Variants in DSCAM observed in about 807,000 individuals in gnomAD.
The protein encoded by DSCAM is DS cell adhesion molecule.
A neutral mutation model predicts 217.7 loss-of-function variants in DSCAM; 47 were observed. The ratio of observed to expected loss-of-function variants is 0.22; its 90% CI spans 0.17 to 0.28. The LOEUF (loss-of-function observed/expected upper bound fraction) is 0.28, where lower values mean the gene tolerates loss of function less well. Ranked by LOEUF, DSCAM falls within the 10% of genes least tolerant of loss-of-function variation. The probability of loss-of-function intolerance (pLI) is 1.00; values close to 1 mark genes in which losing one functional copy is unlikely to be tolerated. For missense variants in DSCAM, 2,080 were observed against 2,618.3 expected (o/e 0.79, Z 4.49); for synonymous variants, 1,056 against 1,015.3 (o/e 1.04, Z -0.76).
In DSCAM at chr21:40,271,497, T is replaced by C. The variant is rs1034194629; in HGVS notation, c.2356+4600A>G. On this transcript the variant is annotated intron_variant, in intron 11 of 32. Transcript: ENST00000400454. ...AAGTTGGGAGCGGGGAGGATGTAAT[T>C]TGGGCATCTGAGACAAACCTTAGGG... Among the ~76,000 whole-genome samples the C allele has an allele frequency of 5.9e-5, 9 of 152,254 alleles. No individual in the cohort carries two copies. The South Asian group carries it at 1.0e-3, about 18-fold the overall frequency.
At chr21:40,412,761 T>A (rs1362222397) in intron 3 of DSCAM, among the ~76,000 whole-genome samples, 1 of 152,156 alleles carries the variant, frequency 6.6e-6, no homozygotes, top group Non-Finnish European at 1.5e-5. Flanking sequence ...GCTGCAGAAA[T>A]TTGAATAAGT....
intron 8 of DSCAM, among the ~76,000 whole-genome samples, chr21:40,332,834 C>T (rs1011370440): frequency 1.3e-5 from 2 of 152,032 alleles, no homozygotes; most frequent in Non-Finnish European, 2.9e-5. Context: ...GGCATATGCT[C>T]CAAAATAAGC....
chr21:40,412,374 C>G (rs2075331182), intron 3 of DSCAM, among the ~76,000 whole-genome samples: 1 of 152,162 alleles, frequency 6.6e-6, no homozygotes, highest in African/African-American at 2.4e-5. Context: ...AAGTTTGGAA[C>G]TCCCTAGAGC....
chr21:40,018,477 A>G (rs1376570127), intron 32 of DSCAM, among the ~76,000 whole-genome samples: 3 of 152,150 alleles, frequency 2.0e-5, no homozygotes, highest in African/African-American at 7.2e-5. Context: ...GCTCTTTCTG[A>G]GACCCGACTC....
rs57708909 is a variant in DSCAM, at chr21:40,409,386, C to T, written c.509-40141G>A. On this transcript the variant is annotated intron_variant, in intron 3 of 32. Coordinates refer to ENST00000400454, the MANE Select transcript of DSCAM (RefSeq NM_001389.5). ...GCAGGGAAGCCTGAAATAAGGAAAG[C>T]GAACAAAGTGAAATCTCTGCTTTTC... is the stretch of plus-strand genomic sequence containing the variant. 7.8e-3 allele frequency among the ~76,000 whole-genome samples: 1,183 copies of T among 152,270 alleles called. 14 individuals are homozygous for T. Among genetic ancestry groups the T allele is most frequent in the African/African-American group, 0.027 (1,111 of 41,570 alleles).
At chr21:40,195,134 A>G (rs2146843072) in intron 11 of DSCAM, among the ~76,000 whole-genome samples, 1 of 152,340 alleles carries the variant, frequency 6.6e-6, no homozygotes, top group Middle Eastern at 3.4e-3. Flanking sequence ...CGTTTTGACA[A>G]GTAATTCAGT....
intron 3 of DSCAM, among the ~76,000 whole-genome samples, chr21:40,485,570 GAACT>G (rs1373558893): frequency 6.6e-6 from 1 of 151,894 alleles, no homozygotes; most frequent in Non-Finnish European, 1.5e-5. Flanking sequence ...GACACAGAAG[GAACT>G]AATACAGAAG....
intron 26 of DSCAM, among the ~76,000 whole-genome samples, 165 bp from the exon 27 acceptor site, chr21:40,075,378 T>C (rs1334337852): frequency 3.3e-5 from 5 of 152,202 alleles, no homozygotes; most frequent in Admixed American, 2.0e-4. Context: ...TTTTTTCTTA[T>C]TTATTTCCCT....
rs2146626011 is a variant in DSCAM, at chr21:40,107,711, A to G, written c.3697-13837T>C. On this transcript the variant is annotated intron_variant, in intron 20 of 32. Coordinates refer to ENST00000400454, the MANE Select transcript of DSCAM (RefSeq NM_001389.5). ...CGTGTTGGATGTATATATATTTAGG[A>G]TAGTTAGATCTTCTTGAATTGAACC... Among the ~76,000 whole-genome samples the G allele has an allele frequency of 2.0e-5, 3 of 152,212 alleles. No individual in the cohort carries two copies. In the South Asian group the frequency reaches 6.2e-4, roughly 32 times the overall value.
intron 11 of DSCAM, among the ~76,000 whole-genome samples, chr21:40,223,258 C>T (rs1048415838): frequency 1.3e-5 from 2 of 152,220 alleles, no homozygotes; most frequent in Non-Finnish European, 2.9e-5. Context: ...CAGGTAACAC[C>T]TGAACATGGT....
At chr21:40,477,591 C>CT (rs1385043969) in intron 3 of DSCAM, among the ~76,000 whole-genome samples, 1 of 151,998 alleles carries the variant, frequency 6.6e-6, no homozygotes, top group African/African-American at 2.4e-5. Context: ...GTAAGTTTCA[C>CT]TTTTTTATGT....
intron 9 of DSCAM, among the ~76,000 whole-genome samples, chr21:40,306,707 T>A (rs551359600): frequency 7.2e-4 from 109 of 152,226 alleles, no homozygotes; most frequent in African/African-American, 2.5e-3. Context: ...TAATCATGTG[T>A]TTTTTGTCTT....
chr21:40,253,738 G>A (rs535016216), intron 11 of DSCAM, among the ~76,000 whole-genome samples: 47 of 152,372 alleles, frequency 3.1e-4, no homozygotes, highest in African/African-American at 1.0e-3. Flanking sequence ...ATATGGGTAC[G>A]CCCGGAGGGC....
At chr21:40,105,631 T>C (rs2089810133) in intron 20 of DSCAM, among the ~76,000 whole-genome samples, 1 of 152,194 alleles carries the variant, frequency 6.6e-6, no homozygotes, top group Admixed American at 6.5e-5. Flanking sequence ...CAATTAAACC[T>C]CTTTCCTTTG....
At chr21:40,613,933 C>T (rs1016947928) in intron 3 of DSCAM, among the ~76,000 whole-genome samples, 2 of 152,104 alleles carry the variant, frequency 1.3e-5, no homozygotes, top group African/African-American at 4.8e-5. Flanking sequence ...GAGTATGAGA[C>T]AATCAAAATT....
At chr21:40,314,929 T>C (rs1465208740) in intron 8 of DSCAM, among the ~76,000 whole-genome samples, 1 of 152,188 alleles carries the variant, frequency 6.6e-6, no homozygotes, top group Non-Finnish European at 1.5e-5. Context: ...TCTGAATCAG[T>C]TTCTTAGCAT....
intron 1 of DSCAM, among the ~76,000 whole-genome samples, chr21:40,771,884 G>A (rs1313336175): frequency 6.6e-6 from 1 of 151,716 alleles, no homozygotes; most frequent in Non-Finnish European, 1.5e-5. Context: ...CAGGGAACGT[G>A]CGTATGTCGC....
At chr21:40,303,287 G>A (rs893229889) in intron 9 of DSCAM, among the ~76,000 whole-genome samples, 4 of 151,884 alleles carry the variant, frequency 2.6e-5, no homozygotes, top group Non-Finnish European at 5.9e-5. Context: ...AGGCACCTTG[G>A]GCCTCTTGCT....
chr21:40,688,567 G>A (rs1200659362), intron 3 of DSCAM, among the ~76,000 whole-genome samples: 4 of 152,210 alleles, frequency 2.6e-5, no homozygotes, highest in Non-Finnish European at 5.9e-5. Context: ...TAGACATCAT[G>A]ACTCTTGTTC....
Sources: gnomAD v4.1 joint callset for allele counts (sites outside exome capture counted in the v4.1 genomes callset) on GRCh38, gnomAD v4.1.1 for gene constraint, MANE v1.5 for transcripts, NCBI Gene and HGNC (gene_info 2026-07-23, HGNC 2026-07-21) for gene names.